The following MDGA2 variants were observed in gnomAD, a reference collection of about 807,000 sequenced individuals.
The protein encoded by MDGA2 is MAM domain-containing glycosylphosphatidylinositol anchor protein 2.
In MDGA2, 40 loss-of-function variants were observed where a neutral mutation model predicts 117.8. The ratio of observed to expected loss-of-function variants is 0.34; its 90% CI spans 0.26 to 0.44. MDGA2 has a LOEUF of 0.44. Ranked by LOEUF, MDGA2 falls within the 20% of genes least tolerant of loss-of-function variation. The pLI, the probability that MDGA2 is intolerant of heterozygous loss-of-function variation, is 1.00. For missense variants in MDGA2, 1,123 were observed against 1,250.6 expected, an observed-to-expected ratio of 0.90 and a Z score of 1.54; for synonymous variants, 452 against 439.0, an observed-to-expected ratio of 1.03 and a Z score of -0.37.
intron 9 of MDGA2, among the ~76,000 whole-genome samples, chr14:46,923,470 T>G (rs1264909649): frequency 2.0e-5 from 3 of 152,120 alleles, no homozygotes; most frequent in Non-Finnish European, 4.4e-5. Context: ...CTTAGAATCA[T>G]GAGATTAGAA....
At chr14:47,671,310 T>C (rs1014527174) in intron 1 of MDGA2, among the ~76,000 whole-genome samples, 4 of 152,180 alleles carry the variant, frequency 2.6e-5, no homozygotes, top group Admixed American at 6.5e-5. Context: ...TCAAACAGAT[T>C]GGGCATAACA....
intron 8 of MDGA2, among the ~76,000 whole-genome samples, chr14:46,977,127 A>G (rs1426367392): frequency 1.3e-5 from 2 of 151,936 alleles, no homozygotes; most frequent in African/African-American, 2.4e-5. Flanking sequence ...AATATACCAT[A>G]TTAGAGTACA....
chr14:46,994,803 T>C (rs1048777210), intron 8 of MDGA2, among the ~76,000 whole-genome samples: 1 of 152,146 alleles, frequency 6.6e-6, no homozygotes, highest in Non-Finnish European at 1.5e-5. Flanking sequence ...ATTGTTTGTC[T>C]TGATGAAAAG....
At chr14:47,208,405 G>A (rs1264284242) in intron 3 of MDGA2, among the ~76,000 whole-genome samples, 1 of 151,820 alleles carries the variant, frequency 6.6e-6, no homozygotes. Context: ...CCTTCTGTGT[G>A]ACTCAGAATT....
intron 1 of MDGA2, among the ~76,000 whole-genome samples, chr14:47,515,664 AG>A (rs1489298424): frequency 2.6e-5 from 4 of 152,152 alleles, no homozygotes; most frequent in African/African-American, 9.7e-5. Flanking sequence ...AAGATAAATA[AG>A]CCACGGTGGG....
chr14:47,669,898 T>C (rs1283056911), intron 1 of MDGA2, among the ~76,000 whole-genome samples: 1 of 152,194 alleles, frequency 6.6e-6, no homozygotes, highest in Admixed American at 6.5e-5. Context: ...ATAGCTTTGC[T>C]ATGAGAATGG....
At chr14:47,053,654 T>TATAC (rs1889552982) in intron 7 of MDGA2, among the ~76,000 whole-genome samples, 1 of 67,266 alleles carries the variant, frequency 1.5e-5, no homozygotes, top group Admixed American at 1.6e-4. Context: ...TATATATATA[T>TATAC]ACACACACAC....
At chr14:46,965,765 C>T in intron 8 of MDGA2, among the ~76,000 whole-genome samples, 1 of 151,940 alleles carries the variant, frequency 6.6e-6, no homozygotes, top group Non-Finnish European at 1.5e-5. Flanking sequence ...AAGAAATCTT[C>T]AGGTGTTAAA....
intron 1 of MDGA2, among the ~76,000 whole-genome samples, chr14:47,380,637 TAG>T (rs1458973936): frequency 1.3e-5 from 2 of 151,898 alleles, no homozygotes; most frequent in Non-Finnish European, 2.9e-5. Context: ...CCTCGACACA[TAG>T]ACTCTCCCAA....
At chr14:46,906,968 T>G (rs1170088882) in intron 10 of MDGA2, among the ~76,000 whole-genome samples, 1 of 126,682 alleles carries the variant, frequency 7.9e-6, no homozygotes, top group Non-Finnish European at 1.6e-5. Context: ...TTGCTTACCT[T>G]TTTCTTTTTT....
intron 6 of MDGA2, among the ~76,000 whole-genome samples, chr14:47,084,328 A>T (rs957483793): frequency 2.0e-5 from 3 of 152,130 alleles, no homozygotes; most frequent in Non-Finnish European, 2.9e-5. Flanking sequence ...GGGAAATTAA[A>T]AAACAAACAC....
chr14:47,639,793 A>T (rs1454122438), intron 1 of MDGA2, among the ~76,000 whole-genome samples: 1 of 152,116 alleles, frequency 6.6e-6, no homozygotes, highest in African/African-American at 2.4e-5. Context: ...ACACTGTATA[A>T]GACTCCACAT....
Position 47,194,416 on chromosome 14 carries a change from T to A in MDGA2, c.595+23605A>T, listed in dbSNP as rs528310769. Among the ~76,000 whole-genome samples the A allele has an allele frequency of 1.5e-3, 225 of 152,224 alleles. 1 individual carries two copies. The highest frequency in any genetic ancestry group is 5.2e-3 in the African/African-American group (218 of 41,548). ...GTTTTCAGTGAAGAATTGTAGTAAA[T>A]TCACCCATTTTGATATATATATATT... On this transcript the variant is annotated intron_variant, in intron 3 of 16. Transcript: ENST00000399232.
At chr14:47,655,385 C>T (rs1015764742) in intron 1 of MDGA2, among the ~76,000 whole-genome samples, 1 of 152,124 alleles carries the variant, frequency 6.6e-6, no homozygotes, top group Non-Finnish European at 1.5e-5. Context: ...TTTCTGTCCT[C>T]TGCCATAATA....
At chr14:47,106,197 T>G (rs1880663893) in intron 5 of MDGA2, among the ~76,000 whole-genome samples, 1 of 152,142 alleles carries the variant, frequency 6.6e-6, no homozygotes, top group African/African-American at 2.4e-5. Flanking sequence ...GGCCGTCTTA[T>G]TCTCAAAATA....
At chr14:46,938,560 A>T (rs1268002549) in intron 9 of MDGA2, among the ~76,000 whole-genome samples, 1 of 148,244 alleles carries the variant, frequency 6.7e-6, no homozygotes, top group Non-Finnish European at 1.5e-5. Flanking sequence ...AAAAAAAAAA[A>T]GAGACATCAT....
chr14:46,987,025 A>ATGTAGGTATGCATGTG (rs1886884262), intron 8 of MDGA2, among the ~76,000 whole-genome samples: 1 of 152,078 alleles, frequency 6.6e-6, no homozygotes, highest in South Asian at 2.1e-4. Context: ...GTAGGTAGGC[A>ATGTAGGTATGCATGTG]TGTAGGTATG....
chr14:47,538,740 A>C (rs903776976), intron 1 of MDGA2, among the ~76,000 whole-genome samples: 1 of 152,106 alleles, frequency 6.6e-6, no homozygotes, highest in African/African-American at 2.4e-5. Context: ...AGATATTTGA[A>C]AGGTAAAAAT....
chr14:47,082,739 C>T (rs1037772149), intron 6 of MDGA2, among the ~76,000 whole-genome samples: 12 of 151,752 alleles, frequency 7.9e-5, no homozygotes, highest in African/African-American at 2.9e-4. Context: ...GCAAAGCCAA[C>T]AGACCACAGA....
Sources: allele counts gnomAD v4.1 joint callset (sites outside exome capture counted in the v4.1 genomes callset), GRCh38; gene constraint gnomAD v4.1.1; transcripts MANE v1.5; gene names NCBI Gene and HGNC (gene_info 2026-07-23, HGNC 2026-07-21).